XKR4: variants seen among roughly 807,000 people sequenced by gnomAD.
XKR4 encodes XK related 4.
Under a neutral mutation model 53.9 loss-of-function variants are expected in XKR4, and 12 were observed. That is an observed-to-expected ratio of 0.22 (90% CI 0.14 to 0.36). XKR4 has a LOEUF of 0.36. Among genes scored for constraint, XKR4 ranks in the 10% least tolerant of loss-of-function variants. The pLI is 1.00. For synonymous variants in XKR4, 354 were observed against 362.4 expected, an observed-to-expected ratio of 0.98 and a Z score of 0.26; for missense variants, 799 against 859.5, an observed-to-expected ratio of 0.93 and a Z score of 0.88.
chr8:55,148,668 A>G (rs920782672), intron 1 of XKR4, among the ~76,000 whole-genome samples: 2 of 152,222 alleles, frequency 1.3e-5, no homozygotes, highest in Admixed American at 6.5e-5. Context: ...CTTTAGGATT[A>G]TAATTTATTA....
At chr8:55,407,678 T>A (rs1726217229) in intron 2 of XKR4, among the ~76,000 whole-genome samples, 1 of 152,230 alleles carries the variant, frequency 6.6e-6, no homozygotes, top group South Asian at 2.1e-4. Flanking sequence ...CTAAGTAAGA[T>A]CACATTTGTG....
intron 1 of XKR4, among the ~76,000 whole-genome samples, chr8:55,296,137 C>T (rs1329809286): frequency 1.3e-5 from 2 of 152,140 alleles, no homozygotes; most frequent in African/African-American, 2.4e-5. Context: ...CACACCTCCA[C>T]CATGTGATGT....
chr8:55,505,185 T>C (rs1806507416), intron 2 of XKR4, among the ~76,000 whole-genome samples: 1 of 152,226 alleles, frequency 6.6e-6, no homozygotes, highest in Non-Finnish European at 1.5e-5. Context: ...CATTTATATC[T>C]ATAGATGTTT....
chr8:55,441,536 C>G (rs1805267649), intron 2 of XKR4, among the ~76,000 whole-genome samples: 1 of 152,094 alleles, frequency 6.6e-6, no homozygotes. Context: ...GAACATTGCA[C>G]TCGACTCCAT....
At chr8:55,329,737 C>T (rs1186274176) in intron 1 of XKR4, among the ~76,000 whole-genome samples, 1 of 152,144 alleles carries the variant, frequency 6.6e-6, no homozygotes, top group East Asian at 1.9e-4. Flanking sequence ...GTTTAATCCA[C>T]TCATGCAAAT....
intron 2 of XKR4, among the ~76,000 whole-genome samples, chr8:55,466,884 G>A (rs1393048990): frequency 1.3e-5 from 2 of 152,068 alleles, no homozygotes; most frequent in Non-Finnish European, 2.9e-5. Context: ...TCTCAAGATT[G>A]GGCTAAGTTA....
chr8:55,166,948 G>C (rs1415783037), intron 1 of XKR4, among the ~76,000 whole-genome samples: 1 of 152,232 alleles, frequency 6.6e-6, no homozygotes, highest in African/African-American at 2.4e-5. Context: ...TTTGGGCTAA[G>C]TGTTGAGAAC....
chr8:55,293,124 C>T (rs1477105484), intron 1 of XKR4, among the ~76,000 whole-genome samples: 3 of 152,162 alleles, frequency 2.0e-5, no homozygotes, highest in African/African-American at 7.2e-5. Context: ...CACCTGAGGT[C>T]AGGAGTTTGA....
At chr8:55,238,863 A>C (rs1447953275) in intron 1 of XKR4, among the ~76,000 whole-genome samples, 3 of 152,244 alleles carry the variant, frequency 2.0e-5, no homozygotes, top group Non-Finnish European at 4.4e-5. Context: ...AGTGAGGTTC[A>C]GAAACATGAA....
intron 1 of XKR4, among the ~76,000 whole-genome samples, chr8:55,118,640 T>C (rs1816345651): frequency 6.6e-6 from 1 of 152,222 alleles, no homozygotes; most frequent in South Asian, 2.1e-4. Context: ...AACGTTCATT[T>C]CTAAAAATCA....
At chr8:55,516,693 C>A (rs986106433) in intron 2 of XKR4, among the ~76,000 whole-genome samples, 2 of 152,162 alleles carry the variant, frequency 1.3e-5, no homozygotes, top group African/African-American at 4.8e-5. Context: ...ATCAGTACAA[C>A]CTTTATGGAA....
At chr8:55,289,639 A>G (rs1389106291) in intron 1 of XKR4, among the ~76,000 whole-genome samples, 1 of 126,846 alleles carries the variant, frequency 7.9e-6, no homozygotes, top group African/African-American at 3.2e-5. Context: ...GAAAGAAAGA[A>G]AGAAAGAAAG....
At chr8:55,380,192 A>G (rs916043651) in intron 2 of XKR4, among the ~76,000 whole-genome samples, 1 of 151,616 alleles carries the variant, frequency 6.6e-6, no homozygotes, top group South Asian at 2.1e-4. Flanking sequence ...ATGTGCTAGC[A>G]TCCTTGAGAA....
intron 1 of XKR4, among the ~76,000 whole-genome samples, chr8:55,104,566 T>C (rs1034472945): frequency 4.6e-5 from 7 of 152,194 alleles, no homozygotes; most frequent in Non-Finnish European, 7.4e-5. Flanking sequence ...TGAACAACCA[T>C]ATGTTCACCT....
rs1021967117 is a variant in XKR4, at chr8:55,531,555, A to G, written c.*7328A>G. ...TTATAAAGAGAAAAGTAATTTTATA[A>G]TTTGTTTATATGACTCTCCAACACT... On this transcript the variant is annotated 3_prime_UTR_variant, in exon 3 of 3. Coordinates refer to ENST00000327381, the MANE Select transcript of XKR4 (RefSeq NM_052898.2). 6.6e-6 allele frequency: 1 copy of G among 152,186 alleles called. No individual in the cohort carries two copies. The highest frequency in any genetic ancestry group is 2.4e-5 in the African/African-American group (1 of 41,454). The allele number at this position is 152,186 out of a possible 1,614,324, so 9.4% of individuals were successfully genotyped here. A position where few individuals can be genotyped will look rare whatever the true frequency, so the allele number is the denominator to read the frequency against.
chr8:55,363,612 A>T (rs550360328), intron 2 of XKR4, among the ~76,000 whole-genome samples: 1 of 152,244 alleles, frequency 6.6e-6, no homozygotes, highest in Non-Finnish European at 1.5e-5. Flanking sequence ...AAGCAGGTGG[A>T]GACAGGTCCC....
intron 2 of XKR4, among the ~76,000 whole-genome samples, chr8:55,427,375 T>TA (rs1270263179): frequency 6.6e-6 from 1 of 152,116 alleles, no homozygotes; most frequent in African/African-American, 2.4e-5. Flanking sequence ...ACCAATTCTT[T>TA]AAAAAAAATT....
At chr8:55,201,297 A>G (rs1817574609) in intron 1 of XKR4, among the ~76,000 whole-genome samples, 1 of 152,242 alleles carries the variant, frequency 6.6e-6, no homozygotes, top group Non-Finnish European at 1.5e-5. Flanking sequence ...TTGAGAAGAC[A>G]ATGCATCTGA....
intron 2 of XKR4, chr8:55,452,425 C>T (rs1041164316): frequency 2.6e-5 from 16 of 626,986 alleles, no homozygotes; most frequent in Non-Finnish European, 4.6e-5. Flanking sequence ...GGGAGCAGTG[C>T]TGGCCACCCC....
Sources: allele counts gnomAD v4.1 joint callset (sites outside exome capture counted in the v4.1 genomes callset), GRCh38; gene constraint gnomAD v4.1.1; transcripts MANE v1.5; gene names NCBI Gene and HGNC (gene_info 2026-07-23, HGNC 2026-07-21).